KLHL1: variants seen among roughly 807,000 people sequenced by gnomAD.
KLHL1 encodes the protein kelch-like protein 1.
A neutral mutation model predicts 77.7 loss-of-function variants in KLHL1; 47 were observed. That is an observed-to-expected ratio of 0.60 (90% CI 0.48 to 0.77). KLHL1 has a LOEUF of 0.77. Among genes scored for constraint, KLHL1 ranks in the 30% least tolerant of loss-of-function variants. KLHL1 has a pLI of 0.00. For missense variants in KLHL1, 925 were observed against 910.8 expected (o/e 1.02, Z -0.20); for synonymous variants, 360 against 325.2 (o/e 1.11, Z -1.15).
chr13:69,722,739 C>G (rs115946208), intron 8 of KLHL1, among the ~76,000 whole-genome samples: 4 of 151,768 alleles, frequency 2.6e-5, no homozygotes, highest in Non-Finnish European at 4.4e-5. Context: ...AAAACCATTA[C>G]GAAAAACAGT....
rs113193781 is a variant in KLHL1, at chr13:69,750,879, C to T, written c.1640-10323G>A. Among the ~76,000 whole-genome samples, 950 of 151,876 alleles carry T rather than the reference C, an allele frequency of 6.3e-3. 20 individuals carry two copies. The highest frequency in any genetic ancestry group is 0.022 in the African/African-American group (915 of 41,416). On this transcript the variant is annotated intron_variant, in intron 7 of 10. Transcript: ENST00000377844. ...GTTGCACATTGAAATCACCTGGGAACCTTTGAAAAAATACATCTGGAATAT... is the reference window on the plus strand; with the variant it reads ...GTTGCACATTGAAATCACCTGGGAATCTTTGAAAAAATACATCTGGAATAT...
intron 2 of KLHL1, among the ~76,000 whole-genome samples, chr13:69,964,676 T>C (rs1167650039): frequency 6.6e-6 from 1 of 152,142 alleles, no homozygotes; most frequent in Non-Finnish European, 1.5e-5. Context: ...CATTTTACAC[T>C]CAATTTTTGT....
intron 7 of KLHL1, among the ~76,000 whole-genome samples, chr13:69,767,897 A>T (rs546703088): frequency 1.3e-5 from 2 of 152,326 alleles, no homozygotes; most frequent in African/African-American, 4.8e-5. Context: ...AATACTAAAG[A>T]GAAAATCTCA....
At chr13:69,717,254 A>ATGAT (rs1872808181) in intron 9 of KLHL1, among the ~76,000 whole-genome samples, 1 of 152,182 alleles carries the variant, frequency 6.6e-6, no homozygotes, top group South Asian at 2.1e-4. Context: ...ATGTTTGCCT[A>ATGAT]TGATTATATA....
intron 1 of KLHL1, among the ~76,000 whole-genome samples, chr13:70,072,314 A>G (rs1468561069): frequency 6.6e-6 from 1 of 152,180 alleles, no homozygotes; most frequent in Non-Finnish European, 1.5e-5. Context: ...TCCAAAATGG[A>G]AGGTACAGAA....
intron 3 of KLHL1, among the ~76,000 whole-genome samples, chr13:69,956,263 T>C (rs904290842): frequency 6.7e-6 from 1 of 149,424 alleles, no homozygotes; most frequent in Non-Finnish European, 1.5e-5. Context: ...TGAAGACCCT[T>C]AAAGGTAAGG....
chr13:69,940,598 T>C (rs1478126589), intron 3 of KLHL1, among the ~76,000 whole-genome samples: 1 of 152,058 alleles, frequency 6.6e-6, no homozygotes, highest in Middle Eastern at 3.2e-3. Flanking sequence ...TCTGACAAGG[T>C]ATATATGTGT....
chr13:69,994,599 T>A (rs1885105060), intron 1 of KLHL1, among the ~76,000 whole-genome samples: 1 of 152,076 alleles, frequency 6.6e-6, no homozygotes, highest in Non-Finnish European at 1.5e-5. Flanking sequence ...ATTGTACTAA[T>A]GTATATGGAA....
At chr13:69,851,211 TTA>T (rs2138131917) in intron 5 of KLHL1, among the ~76,000 whole-genome samples, 1 of 1,128 alleles carries the variant, frequency 8.9e-4, no homozygotes, top group East Asian at 0.25. Context: ...TAAAATTCTG[TTA>T]TTTATAATTA....
intron 1 of KLHL1, among the ~76,000 whole-genome samples, chr13:69,992,868 A>G (rs1269456841): frequency 6.6e-6 from 1 of 151,988 alleles, no homozygotes; most frequent in African/African-American, 2.4e-5. Context: ...CATATAGTCA[A>G]TATGAGATAA....
At chr13:69,868,463 C>T (rs147049930) in intron 5 of KLHL1, among the ~76,000 whole-genome samples, 4 of 151,968 alleles carry the variant, frequency 2.6e-5, no homozygotes, top group Non-Finnish European at 5.9e-5. Context: ...GCTCAGTAAA[C>T]AACAATTATG....
intron 2 of KLHL1, among the ~76,000 whole-genome samples, chr13:69,966,333 G>A (rs7994964): frequency 0.62 from 93,922 of 151,942 alleles, 29,112 homozygotes; most frequent in South Asian, 0.65. Flanking sequence ...TAAGAATTAC[G>A]CTAATTCTAC....
At chr13:69,982,672 G>T (rs1232064424) in intron 1 of KLHL1, among the ~76,000 whole-genome samples, 1 of 151,536 alleles carries the variant, frequency 6.6e-6, no homozygotes, top group Non-Finnish European at 1.5e-5. Context: ...TCAATTAAAA[G>T]ACATGGATTA....
At chr13:69,741,594 A>G (rs1873989830) in intron 7 of KLHL1, among the ~76,000 whole-genome samples, 1 of 152,166 alleles carries the variant, frequency 6.6e-6, no homozygotes, top group Non-Finnish European at 1.5e-5. Context: ...GGTGATCCAA[A>G]GAAGGTAATC....
chr13:69,945,000 T>A (rs1883475629), intron 3 of KLHL1, among the ~76,000 whole-genome samples: 1 of 146,664 alleles, frequency 6.8e-6, no homozygotes, highest in Admixed American at 6.8e-5. Flanking sequence ...TTTTTTTTTT[T>A]TTTCAGATGG....
intron 7 of KLHL1, among the ~76,000 whole-genome samples, chr13:69,772,530 A>G: frequency 6.6e-6 from 1 of 152,200 alleles, no homozygotes; most frequent in East Asian, 1.9e-4. Flanking sequence ...TTATTTCTCA[A>G]TGAACTAAAT....
chr13:69,926,959 A>AAAAAAAAAAAAAAAAAAAAAAAAC (rs1882837080), intron 4 of KLHL1, among the ~76,000 whole-genome samples: 1 of 148,926 alleles, frequency 6.7e-6, no homozygotes, highest in Non-Finnish European at 1.5e-5. Context: ...AAAAAAAAAA[A>AAAAAAAAAAAAAAAAAAAAAAAAC]AAAAAAAAAA....
chr13:69,945,566 G>A (rs4474577), intron 3 of KLHL1, among the ~76,000 whole-genome samples: 16,208 of 151,648 alleles, frequency 0.11, 1,177 homozygotes, highest in East Asian at 0.29. Flanking sequence ...TATTATATAC[G>A]GAATATATAA....
chr13:69,837,747 T>C (rs1481956706), intron 6 of KLHL1, among the ~76,000 whole-genome samples: 1 of 150,014 alleles, frequency 6.7e-6, no homozygotes, highest in Non-Finnish European at 1.5e-5. Context: ...CCATCCAGAT[T>C]CTGTCTTCTG....
Sources: gnomAD v4.1 joint callset for allele counts (sites outside exome capture counted in the v4.1 genomes callset) on GRCh38, gnomAD v4.1.1 for gene constraint, MANE v1.5 for transcripts, NCBI Gene and HGNC (gene_info 2026-07-23, HGNC 2026-07-21) for gene names.